Variants in XAB2 observed in about 807,000 individuals in gnomAD.
XAB2 encodes pre-mRNA-splicing factor SYF1.
Under a neutral mutation model 113.4 loss-of-function variants are expected in XAB2, and 57 were observed. The ratio of observed to expected loss-of-function variants is 0.50; its 90% confidence interval spans 0.41 to 0.63. The LOEUF (loss-of-function observed/expected upper bound fraction) is 0.63, where lower values mean the gene tolerates loss of function less well. Ranked by LOEUF, XAB2 falls within the 20% of genes least tolerant of loss-of-function variation. The pLI, the probability that XAB2 is intolerant of heterozygous loss-of-function variation, is 0.00. For synonymous variants in XAB2, 497 were observed against 498.8 expected, an observed-to-expected ratio of 1.00 and a Z score of 0.05; for missense variants, 1,037 against 1,233.3, an observed-to-expected ratio of 0.84 and a Z score of 2.38.
intron 16 of XAB2, 83 bp from the exon 17 acceptor site, chr19:7,620,158 T>C: frequency 6.3e-7 from 1 of 1,592,990 alleles, no homozygotes; most frequent in Non-Finnish European, 8.5e-7. Context: ...CCCCAGGTGA[T>C]GGCCCAGCCC....
rs768391877 is a variant in XAB2, at chr19:7,625,613, G to T, written c.822+267C>A. Reference sequence around the variant, plus strand: ...CCTGCCTCAGCCTCCCGAGTAGCTGGGATTACAGGCGCGCACCACCATGTC... The same window carrying T: ...CCTGCCTCAGCCTCCCGAGTAGCTGTGATTACAGGCGCGCACCACCATGTC... On this transcript the variant is annotated intron_variant, in intron 6 of 18. Transcript: ENST00000358368. The surrounding 1 kb of genome is among the most constrained non-coding windows in gnomAD (Gnocchi z 5.2). 1.3e-5 allele frequency among the ~76,000 whole-genome samples: 2 copies of T among 151,914 alleles called. No homozygotes were observed. Among genetic ancestry groups the T allele is most frequent in the Non-Finnish European group, 1.5e-5 (1 of 68,004 alleles).
rs958650489 is a variant in XAB2, at chr19:7,624,978, G to A, written c.823-533C>T. 1.1e-4 allele frequency among the ~76,000 whole-genome samples: 16 copies of A among 152,136 alleles called. No individual in the cohort carries two copies. Among genetic ancestry groups the A allele is most frequent in the Non-Finnish European group, 1.6e-4 (11 of 68,008 alleles). ...TGCCTCCGACAGCCTTGGCCTACAC[G>A]TGCCCCTGGAAGGGGCGCTGCGAAG... On this transcript the variant is annotated intron_variant, in intron 6 of 18. Transcript: ENST00000358368. This position sits in a 1 kb window ranked among gnomAD's most constrained non-coding sequence, Gnocchi z 4.2.
chr19:7,625,805 A>C lies in XAB2; in HGVS notation c.822+75T>G. The C allele has an allele frequency of 6.6e-7, 1 of 1,521,296 alleles. No homozygotes were observed. The highest frequency in any genetic ancestry group is 8.9e-7 in the Non-Finnish European group (1 of 1,129,044). The allele number at this position is 1,521,296 out of a possible 1,614,324, so 94.2% of individuals were successfully genotyped here. On this transcript the variant is annotated intron_variant, in intron 6 of 18. Transcript: ENST00000358368. The surrounding 1 kb of genome is among the most constrained non-coding windows in gnomAD (Gnocchi z 5.2). Reference sequence around the variant, plus strand: ...TAAATGGCATGTTTTCTGCCTGTGCATGTGTCAACATGTGTCCCCGAGTGT... The same window carrying C: ...TAAATGGCATGTTTTCTGCCTGTGCCTGTGTCAACATGTGTCCCCGAGTGT...
chr19:7,622,682 CG>C, intron 10 of XAB2, 21 bp from the exon 11 acceptor site: 1 of 1,612,002 alleles, frequency 6.2e-7, no homozygotes. Flanking sequence ...AGACAGTGGC[CG>C]GGGAGGCGCT....
rs1283751531 is a variant in XAB2 at position 7,628,626 on chromosome 19, C to T, written c.52-328G>A. Among the ~76,000 whole-genome samples, 2 of 150,434 alleles carry T rather than the reference C, an allele frequency of 1.3e-5. No homozygotes were observed. Among genetic ancestry groups the T allele is most frequent in the Non-Finnish European group, 3.0e-5 (2 of 67,468 alleles). Reference sequence around the variant, plus strand: ...TGGTCAGACTCCTTAGATACCAAGGCCCTGGCCCAGATGCCAGTCCTGGAC... The same window carrying T: ...TGGTCAGACTCCTTAGATACCAAGGTCCTGGCCCAGATGCCAGTCCTGGAC... On this transcript the variant is annotated intron_variant, in intron 1 of 18. Coordinates refer to ENST00000358368, the MANE Select transcript of XAB2 (RefSeq NM_020196.3). The surrounding 1 kb of genome is among the most constrained non-coding windows in gnomAD (Gnocchi z 4.6).
chr19:7,626,770 G>A (rs577601980), intron 4 of XAB2, among the ~76,000 whole-genome samples: 5 of 150,640 alleles, frequency 3.3e-5, no homozygotes, highest in East Asian at 2.0e-4. Context: ...TGGGCCCCAC[G>A]GGTCCAGCCT....
At chr19:7,626,424 G>A (rs1206529176) in intron 4 of XAB2, among the ~76,000 whole-genome samples, 154 bp from the exon 5 acceptor site, 1 of 152,224 alleles carries the variant, frequency 6.6e-6, no homozygotes, top group African/African-American at 2.4e-5. Context: ...CACTGGTCCA[G>A]CCCGGTTCCT....
Position 7,625,247 on chromosome 19 carries a change from G to A in XAB2, c.822+633C>T, listed in dbSNP as rs1256450574. On this transcript the variant is annotated intron_variant, in intron 6 of 18. Transcript: ENST00000358368. This position sits in a 1 kb window ranked among gnomAD's most constrained non-coding sequence, Gnocchi z 5.2. ...TCACACCACGTACCTCCTCAGTGCT[G>A]TGCCTGCGTCACTGAGCTGATTGGT... Among the ~76,000 whole-genome samples the A allele has an allele frequency of 2.6e-5, 4 of 152,152 alleles. No homozygotes were observed. Among genetic ancestry groups the A allele is most frequent in the African/African-American group, 9.7e-5 (4 of 41,442 alleles).
Position 7,627,882 on chromosome 19 carries a change from G to A in XAB2, c.201-31C>T, listed in dbSNP as rs775458815. The A allele has an allele frequency of 6.9e-6, 11 of 1,602,448 alleles. No homozygotes were observed. The highest frequency in any genetic ancestry group is 1.7e-5 in the Admixed American group (1 of 59,694). On this transcript the variant is annotated intron_variant, in intron 2 of 18. Transcript: ENST00000358368. The surrounding 1 kb of genome is among the most constrained non-coding windows in gnomAD (Gnocchi z 4.5). ...GAATAGGAGGGGACAGATGCTGATC[G>A]GTCAGCTTTATGGACACCCCCAGAA...
In XAB2 at chr19:7,622,393, G is replaced by A. The variant is rs1376946661; in HGVS notation, c.1555C>T (p.Gln519Ter). 2 of 1,614,224 alleles carry A rather than the reference G, an allele frequency of 1.2e-6. No individual in the cohort carries two copies. The highest frequency in any genetic ancestry group is 1.7e-6 in the Non-Finnish European group (2 of 1,180,046). The change falls in exon 12 of 19, where the codon CAG becomes TAG. Residue 519 changes from glutamine (Q) to a stop codon, truncating the protein, a stop_gained. Transcript: ENST00000358368. LOFTEE classifies it high-confidence loss of function. ...AACATGGCATAGTTGATGACGATCT[G>A]GGGTGTTGCGATACGCAGGTCCAGG... ...RILDLRIATP[Q>*]IVINYAMFLE...
rs992355543 is a variant in XAB2 at position 7,623,505 on chromosome 19, C to T, written c.1120-216G>A. ...GAGAGAGCTGTGACCCTCCAAGGGGCGGGGCCACGAGGGAGCTGTGGCCCT... is the reference window on the plus strand; with the variant it reads ...GAGAGAGCTGTGACCCTCCAAGGGGTGGGGCCACGAGGGAGCTGTGGCCCT... On this transcript the variant is annotated intron_variant, in intron 8 of 18. Transcript: ENST00000358368. The surrounding 1 kb of genome is among the most constrained non-coding windows in gnomAD (Gnocchi z 4.6). 6.8e-6 allele frequency among the ~76,000 whole-genome samples: 1 copy of T among 147,766 alleles called. No individual in the cohort carries two copies. The highest frequency in any genetic ancestry group is 2.2e-4 in the South Asian group (1 of 4,610).
rs2031166525 is a variant in XAB2 at position 7,627,572 on chromosome 19, C to T, written c.325-132G>A. 1 of 1,511,944 alleles carries T rather than the reference C, an allele frequency of 6.6e-7. No homozygotes were observed. The highest frequency in any genetic ancestry group is 9.0e-7 in the Non-Finnish European group (1 of 1,114,230). 93.7% of individuals were successfully genotyped at this position (1,511,944 alleles called of 1,614,324 possible). A position where few individuals can be genotyped will look rare whatever the true frequency, so the allele number is the denominator to read the frequency against. ...TGCGGCGGGACCCAGAAACCCCCAG[C>T]TCCAGGACTGAGTCCAGCCCAACTT... On this transcript the variant is annotated intron_variant, in intron 3 of 18. Transcript: ENST00000358368. This position sits in a 1 kb window ranked among gnomAD's most constrained non-coding sequence, Gnocchi z 4.5.
At chr19:7,622,740 C>G (rs4134851) in intron 10 of XAB2, 22 bp downstream of exon 10, 224,714 of 1,613,376 alleles carry the variant, frequency 0.14, 16,840 homozygotes, top group Admixed American at 0.25. Flanking sequence ...GCCCCCACCC[C>G]ACAGCCTGGG....
In XAB2 at chr19:7,620,041, G is replaced by A. The variant is rs373327376; in HGVS notation, c.2301C>T (p.Asp767=). The change falls in exon 17 of 19, where the codon GAC becomes GAT. Residue 767 remains aspartate, a synonymous_variant. Coordinates refer to ENST00000358368, the MANE Select transcript of XAB2 (RefSeq NM_020196.3). ...SDLAPGQSGM[D]DMKLLEQRAE... Reference sequence around the variant, plus strand: ...CCCGCTGTTCCAGCAGCTTCATGTCGTCCATGCCACTCTGCCCAGGGGCCA... The same window carrying A: ...CCCGCTGTTCCAGCAGCTTCATGTCATCCATGCCACTCTGCCCAGGGGCCA... The A allele has an allele frequency of 4.0e-5, 64 of 1,612,300 alleles. No homozygotes were observed. The highest frequency in any genetic ancestry group is 1.1e-4 in the East Asian group (5 of 44,878).
Position 7,628,106 on chromosome 19 carries a change from G to A in XAB2, c.200+44C>T, listed in dbSNP as rs2031180006. 2 of 1,589,424 alleles carry A rather than the reference G, an allele frequency of 1.3e-6. No homozygotes were observed. The highest frequency in any genetic ancestry group is 1.8e-5 in the Admixed American group (1 of 55,212). On this transcript the variant is annotated intron_variant, in intron 2 of 18. Transcript: ENST00000358368. The surrounding 1 kb of genome is among the most constrained non-coding windows in gnomAD (Gnocchi z 4.6). Reference sequence around the variant, plus strand: ...GGCAGTTTTGTTATAACTGGACCAGGTGGGGTGGGGGCTGGTGGGCAGGGC... The same window carrying A: ...GGCAGTTTTGTTATAACTGGACCAGATGGGGTGGGGGCTGGTGGGCAGGGC...
At position 7,620,931 on chromosome 19, in the gene XAB2, T is replaced by C. The variant is rs755163244; in HGVS notation, c.1886A>G (p.Tyr629Cys). The stretch of plus-strand genomic sequence containing the variant: ...CTTGATGTAGATGTTGAACATGTCA[T>C]ACTGCTGGGCGGGCTCCACGGCCCT... ...ATRAVEPAQQ[Y>C]DMFNIYIKRA... Residue 629 changes from tyrosine to cysteine, a missense_variant, in exon 14 of 19, where the codon TAT becomes TGT. Physicochemically the swap from Tyr to Cys is radical, Grantham distance 194 (BLOSUM62 -2). Coordinates refer to ENST00000358368, the MANE Select transcript of XAB2 (RefSeq NM_020196.3). 6.3e-7 allele frequency: 1 copy of C among 1,598,224 alleles called. No homozygotes were observed. The highest frequency in any genetic ancestry group is 1.3e-5 in the African/African-American group (1 of 75,010).
In XAB2 at chr19:7,625,617, T is replaced by G. The variant is rs919200179; in HGVS notation, c.822+263A>C. Reference sequence around the variant, plus strand: ...CCTCAGCCTCCCGAGTAGCTGGGATTACAGGCGCGCACCACCATGTCTGAC... The same window carrying G: ...CCTCAGCCTCCCGAGTAGCTGGGATGACAGGCGCGCACCACCATGTCTGAC... On this transcript the variant is annotated intron_variant, in intron 6 of 18. Coordinates refer to ENST00000358368, the MANE Select transcript of XAB2 (RefSeq NM_020196.3). This position sits in a 1 kb window ranked among gnomAD's most constrained non-coding sequence, Gnocchi z 5.2. 3.5e-4 allele frequency among the ~76,000 whole-genome samples: 53 copies of G among 152,044 alleles called. No homozygotes were observed. The highest frequency in any genetic ancestry group is 1.2e-3 in the African/African-American group (51 of 41,380).
Position 7,627,962 on chromosome 19 carries a change from A to G in XAB2, c.201-111T>C. On this transcript the variant is annotated intron_variant, in intron 2 of 18. Coordinates refer to ENST00000358368, the MANE Select transcript of XAB2 (RefSeq NM_020196.3). This position sits in a 1 kb window ranked among gnomAD's most constrained non-coding sequence, Gnocchi z 4.5. ...GGGAAGAAGGGGTGTGGGAGGGGTG[A>G]CATGTCTCAGCAATGACAGGGACAG... 1 of 1,532,410 alleles carries G rather than the reference A, an allele frequency of 6.5e-7. No individual in the cohort carries two copies. Among genetic ancestry groups the G allele is most frequent in the Non-Finnish European group, 8.8e-7 (1 of 1,133,172 alleles). The allele number at this position is 1,532,410 out of a possible 1,614,324, so 94.9% of individuals were successfully genotyped here. A position where few individuals can be genotyped will look rare whatever the true frequency, so the allele number is the denominator to read the frequency against.
Position 7,620,889 on chromosome 19 carries a change from T to G in XAB2, c.1928A>C (p.Tyr643Ser). The G allele has an allele frequency of 6.2e-7, 1 of 1,601,992 alleles. No individual in the cohort carries two copies. The highest frequency in any genetic ancestry group is 8.5e-7 in the Non-Finnish European group (1 of 1,174,750). ...NIYIKRAAEI[Y>S]GVTHTRGIYQ... ...GATGCCGCGGGTGTGGGTGACCCCA[T>G]AGATCTCGGCCGCCCGCTTGATGTA... The change falls in exon 14 of 19, where the codon TAT (tyrosine) becomes TCT (serine). Residue 643 changes from tyrosine to serine, a missense_variant. Tyr to Ser is a moderately radical substitution (Grantham distance 144, BLOSUM62 -2). Coordinates refer to ENST00000358368, the MANE Select transcript of XAB2 (RefSeq NM_020196.3).
Sources: gnomAD v4.1 joint callset for allele counts (sites outside exome capture counted in the v4.1 genomes callset) on GRCh38, gnomAD v4.1.1 for gene constraint, Gnocchi (gnomAD v3.1) non-coding constraint, MANE v1.5 for transcripts, NCBI Gene and HGNC (gene_info 2026-07-23, HGNC 2026-07-21) for gene names.